Variants in VEGFC observed in about 807,000 individuals in gnomAD.
VEGFC encodes the protein vascular endothelial growth factor C, also known as FLT4 ligand DHM.
A neutral mutation model predicts 46.1 loss-of-function variants in VEGFC; 12 were observed. That is an observed-to-expected ratio of 0.26 (90% CI 0.17 to 0.42). The LOEUF is 0.42. Ranked by LOEUF, VEGFC falls within the 10% of genes least tolerant of loss-of-function variation. The probability of loss-of-function intolerance (pLI) is 1.00; values close to 1 mark genes in which losing one functional copy is unlikely to be tolerated. For synonymous variants in VEGFC, 232 were observed against 195.5 expected (o/e 1.19, Z -1.56); for missense variants, 488 against 529.4 (o/e 0.92, Z 0.77).
intron 3 of VEGFC, among the ~76,000 whole-genome samples, chr4:176,724,319 G>A (rs533949783): frequency 6.6e-6 from 1 of 152,216 alleles, no homozygotes; most frequent in South Asian, 2.1e-4. Context: ...TCTCATGAAA[G>A]GGTCCACAGT....
At chr4:176,717,915 GT>G (rs1269359550) in intron 3 of VEGFC, among the ~76,000 whole-genome samples, 2 of 152,064 alleles carry the variant, frequency 1.3e-5, no homozygotes, top group Non-Finnish European at 2.9e-5. Flanking sequence ...CTTAAATTGG[GT>G]TTGGGAAAGA....
chr4:176,782,615 T>C (rs1314103312), intron 1 of VEGFC, among the ~76,000 whole-genome samples: 1 of 152,134 alleles, frequency 6.6e-6, no homozygotes, highest in African/African-American at 2.4e-5. Context: ...CTATAAAGCT[T>C]CATTTTATTA....
chr4:176,708,610 C>A (rs898762880), intron 4 of VEGFC, among the ~76,000 whole-genome samples: 2 of 151,968 alleles, frequency 1.3e-5, no homozygotes, highest in African/African-American at 4.8e-5. Context: ...TAGTTTTATG[C>A]TTATACATAA....
intron 6 of VEGFC, among the ~76,000 whole-genome samples, chr4:176,685,760 T>C (rs745712458): frequency 2.6e-5 from 4 of 152,040 alleles, no homozygotes; most frequent in Non-Finnish European, 4.4e-5. Flanking sequence ...ATAGGTAAAA[T>C]TGGAATATAG....
intron 4 of VEGFC, among the ~76,000 whole-genome samples, chr4:176,690,388 CAT>C (rs1242305249): frequency 6.6e-6 from 1 of 150,986 alleles, no homozygotes. Context: ...CAAAAAATTG[CAT>C]ATATGTTTTT....
intron 4 of VEGFC, among the ~76,000 whole-genome samples, chr4:176,703,433 G>C (rs746767002): frequency 1.3e-5 from 2 of 151,966 alleles, no homozygotes; most frequent in African/African-American, 4.8e-5. Flanking sequence ...TGAATCTCAC[G>C]GAAGTAGAGA....
chr4:176,788,209 C>T (rs1216360450), intron 1 of VEGFC, among the ~76,000 whole-genome samples: 1 of 152,170 alleles, frequency 6.6e-6, no homozygotes, highest in Admixed American at 6.5e-5. Flanking sequence ...GTTAAGCAGT[C>T]GTTCTTATAA....
At position 176,746,112 on chromosome 4, in the gene VEGFC, A is replaced by G. The variant is rs1222250319; in HGVS notation, c.148-16366T>C. 2.0e-5 allele frequency among the ~76,000 whole-genome samples: 3 copies of G among 152,042 alleles called. No individual in the cohort carries two copies. The East Asian group carries it at 5.8e-4, about 29-fold the overall frequency. ...TAATACCACAGAGCATTTTCTATTT[A>G]TTAGTCACCATTTGTTTTCATCATT... On this transcript the variant is annotated intron_variant, in intron 1 of 6. Coordinates refer to ENST00000618562, the MANE Select transcript of VEGFC (RefSeq NM_005429.5).
At chr4:176,777,271 C>T (rs1159600329) in intron 1 of VEGFC, among the ~76,000 whole-genome samples, 2 of 152,064 alleles carry the variant, frequency 1.3e-5, no homozygotes, top group African/African-American at 4.8e-5. Flanking sequence ...GAGCCGAGAT[C>T]GCACCACTGC....
chr4:176,723,446 C>T (rs1445514280), intron 3 of VEGFC, among the ~76,000 whole-genome samples: 10 of 146,514 alleles, frequency 6.8e-5, no homozygotes, highest in African/African-American at 2.6e-4. Flanking sequence ...CATAGGTAAA[C>T]TTTTATTTTA....
At chr4:176,714,941 ATG>A (rs1734674279) in intron 3 of VEGFC, among the ~76,000 whole-genome samples, 1 of 152,214 alleles carries the variant, frequency 6.6e-6, no homozygotes, top group African/African-American at 2.4e-5. Context: ...GCTGCAAGAA[ATG>A]TGTTTTTGAA....
At chr4:176,762,415 C>T (rs904572619) in intron 1 of VEGFC, among the ~76,000 whole-genome samples, 2 of 152,188 alleles carry the variant, frequency 1.3e-5, no homozygotes, top group African/African-American at 4.8e-5. Context: ...CCAGAGGACG[C>T]AGCCTTCAAA....
intron 1 of VEGFC, among the ~76,000 whole-genome samples, chr4:176,764,247 T>A (rs1405245142): frequency 1.3e-5 from 2 of 152,150 alleles, no homozygotes; most frequent in African/African-American, 2.4e-5. Context: ...AATATGATAG[T>A]CCTTGGATAG....
chr4:176,715,729 T>C (rs548638537), intron 3 of VEGFC, among the ~76,000 whole-genome samples: 3 of 127,726 alleles, frequency 2.3e-5, no homozygotes, highest in East Asian at 2.2e-4. Flanking sequence ...TTCCGTAAGC[T>C]TTTTTTCCTA....
intron 4 of VEGFC, among the ~76,000 whole-genome samples, chr4:176,701,251 G>A (rs1734427255): frequency 6.6e-6 from 1 of 152,244 alleles, no homozygotes; most frequent in East Asian, 1.9e-4. Context: ...ACCTAAAATG[G>A]TTAAAAAATG....
rs954867966 is a variant in VEGFC at position 176,743,090 on chromosome 4, G to C, written c.148-13344C>G. Among the ~76,000 whole-genome samples, 3 of 152,056 alleles carry C rather than the reference G, an allele frequency of 2.0e-5. 1 individual carries two copies. Among genetic ancestry groups the C allele is most frequent in the African/African-American group, 7.2e-5 (3 of 41,428 alleles). On this transcript the variant is annotated intron_variant, in intron 1 of 6. Coordinates refer to ENST00000618562, the MANE Select transcript of VEGFC (RefSeq NM_005429.5). ...AGTAAGGGACTGGCTGCCCAGGAAA[G>C]TGAGAAGCACAAGAACAGATCAAGT...
At chr4:176,765,550 A>ATTTTT (rs779746169) in intron 1 of VEGFC, among the ~76,000 whole-genome samples, 1,714 of 131,442 alleles carry the variant, frequency 0.013, 24 homozygotes, top group Non-Finnish European at 0.023. Flanking sequence ...CAAAGACAGA[A>ATTTTT]TTTTTTTTTT....
chr4:176,718,992 C>T (rs1335035472), intron 3 of VEGFC, among the ~76,000 whole-genome samples: 1 of 152,052 alleles, frequency 6.6e-6, no homozygotes, highest in Non-Finnish European at 1.5e-5. Context: ...AAAAGACATC[C>T]AATCTACTTA....
At chr4:176,729,440 G>A (rs556388551) in intron 2 of VEGFC, 93 bp downstream of exon 2, 46 of 1,005,536 alleles carry the variant, frequency 4.6e-5, no homozygotes, top group Admixed American at 9.6e-5. Flanking sequence ...AGGTGTATTC[G>A]GTGATACAAA....
Sources: allele counts gnomAD v4.1 joint callset (sites outside exome capture counted in the v4.1 genomes callset), GRCh38; gene constraint gnomAD v4.1.1; transcripts MANE v1.5; gene names NCBI Gene and HGNC (gene_info 2026-07-23, HGNC 2026-07-21).